Variants in NEK4 observed in about 807,000 individuals in gnomAD.
NEK4 encodes serine/threonine-protein kinase Nek4.
A neutral mutation model predicts 98.4 loss-of-function variants in NEK4; 86 were observed. That is an observed-to-expected ratio of 0.87 (90% CI 0.73 to 1.05). The LOEUF is 1.05. NEK4 is among the 50% of genes least tolerant of loss of function. The pLI, the probability that NEK4 is intolerant of heterozygous loss-of-function variation, is 0.00. For missense variants in NEK4, 898 were observed against 950.3 expected (o/e 0.94, Z 0.72); for synonymous variants, 328 against 342.2 (o/e 0.96, Z 0.46).
At position 52,752,298 on chromosome 3, in the gene NEK4, G is replaced by T. The variant is rs560643744; in HGVS notation, c.1002C>A (p.Ala334=). The T allele has an allele frequency of 1.2e-6, 2 of 1,613,956 alleles. No individual in the cohort carries two copies. The highest frequency in any genetic ancestry group is 2.7e-5 in the African/African-American group (2 of 74,916). The change falls in exon 7 of 16, where the codon GCC becomes GCA. Residue 334 remains alanine, a synonymous_variant. Coordinates refer to ENST00000233027, the MANE Select transcript of NEK4 (RefSeq NM_003157.6). ...GKCLSQEKPR[A]SGLLKSPASL... is the part of the protein sequence containing the mutation. ...TGGCAGGTGACTTCAAGAGACCAGAGGCCCTGGGTTTCTCCTGGGACAAAC... is the reference window on the plus strand; with the variant it reads ...TGGCAGGTGACTTCAAGAGACCAGATGCCCTGGGTTTCTCCTGGGACAAAC...
rs35123782 is a variant in NEK4 at position 52,741,236 on chromosome 3, CAAAAAAAAAA to C, written c.2093+165_2093+174del. 2.2e-4 allele frequency among the ~76,000 whole-genome samples: 13 copies of C among 59,626 alleles called. No homozygotes were observed. The East Asian group carries it at 6.1e-3, about 28-fold the overall frequency. 39.1% of individuals were successfully genotyped at this position (59,626 alleles called of 152,430 possible). On this transcript the variant is annotated intron_variant, in intron 13 of 15. Transcript: ENST00000233027. Reference sequence around the variant, plus strand: ...GGGCAACAAGAGCGAAACTCCGTCTCAAAAAAAAAAAAAAAAAAAAAAGAAGAGACACTTT... The same window carrying C: ...GGGCAACAAGAGCGAAACTCCGTCTCAAAAAAAAAAAAGAAGAGACACTTT...
At chr3:52,721,266 A>G (rs1220003617) in intron 15 of NEK4, among the ~76,000 whole-genome samples, 1 of 152,344 alleles carries the variant, frequency 6.6e-6, no homozygotes, top group South Asian at 2.1e-4. Flanking sequence ...TGAAGTACAG[A>G]TATAGAAGCA....
intron 15 of NEK4, among the ~76,000 whole-genome samples, 157 bp from the exon 16 acceptor site, chr3:52,712,026 A>T (rs2097350884): frequency 6.6e-6 from 1 of 152,272 alleles, no homozygotes; most frequent in Admixed American, 6.5e-5. Flanking sequence ...AAACTTCAAG[A>T]TGTTTCGAAA....
intron 11 of NEK4, 113 bp downstream of exon 11, chr3:52,744,126 A>G (rs1349848006): frequency 1.3e-6 from 1 of 769,260 alleles, no homozygotes; most frequent in Non-Finnish European, 2.3e-6. Flanking sequence ...TCGATTTCCT[A>G]CATGTTTTAC....
chr3:52,750,884 T>C (rs1419277740), intron 7 of NEK4, among the ~76,000 whole-genome samples: 1 of 152,042 alleles, frequency 6.6e-6, no homozygotes, highest in African/African-American at 2.4e-5. Flanking sequence ...TGAGCTGTGT[T>C]TGCACCACTG....
intron 1 of NEK4, among the ~76,000 whole-genome samples, chr3:52,770,416 T>G (rs931189983): frequency 6.6e-6 from 1 of 150,730 alleles, no homozygotes; most frequent in African/African-American, 2.4e-5. Flanking sequence ...AAACTTAGAA[T>G]TGTAATTAAA....
At chr3:52,718,161 T>C (rs1047890356) in intron 15 of NEK4, among the ~76,000 whole-genome samples, 1 of 152,014 alleles carries the variant, frequency 6.6e-6, no homozygotes, top group African/African-American at 2.4e-5. Context: ...TCCCACTTCC[T>C]ACTTAGCTCT....
chr3:52,763,105 A>G (rs1053291279), intron 5 of NEK4, among the ~76,000 whole-genome samples: 4 of 152,176 alleles, frequency 2.6e-5, no homozygotes, highest in Non-Finnish European at 5.9e-5. Flanking sequence ...CACCTAGTTT[A>G]CTTTTCCACA....
intron 2 of NEK4, among the ~76,000 whole-genome samples, chr3:52,766,963 G>C (rs34131802): frequency 6.6e-6 from 1 of 151,822 alleles, no homozygotes; most frequent in Non-Finnish European, 1.5e-5. Context: ...TCCGTAGTCC[G>C]GCCTGGGCGA....
At position 52,733,635 on chromosome 3, in the gene NEK4, A is replaced by C. The variant is rs2097372106; in HGVS notation, c.2433+3951T>G. On this transcript the variant is annotated intron_variant, in intron 15 of 15. Coordinates refer to ENST00000233027, the MANE Select transcript of NEK4 (RefSeq NM_003157.6). ...CAAACGTTGAAAGCATTTAGCAAGC[A>C]TTCAGGACTTATGGCCCATCTTCTA... 2 of 491,172 alleles carry C rather than the reference A, an allele frequency of 4.1e-6. 1 individual carries two copies. The highest frequency in any genetic ancestry group is 8.1e-6 in the Non-Finnish European group (2 of 246,894). The allele number at this position is 491,172 out of a possible 1,614,324, so 30.4% of individuals were successfully genotyped here.
At chr3:52,761,008 G>T in intron 5 of NEK4, 72 bp from the exon 6 acceptor site, 1 of 958,046 alleles carries the variant, frequency 1.0e-6, no homozygotes. Context: ...ATATGTGGGA[G>T]TGTGTGTATA....
In NEK4 at chr3:52,711,647, G is replaced by A. The variant is rs1469911809; in HGVS notation, c.*130C>T. 12 of 633,056 alleles carry A rather than the reference G, an allele frequency of 1.9e-5. 1 individual carries two copies. Among genetic ancestry groups the A allele is most frequent in the South Asian group, 1.7e-4 (8 of 46,990 alleles). 39.2% of individuals were successfully genotyped at this position (633,056 alleles called of 1,614,324 possible). ...TCCAATTTCTTTTCTGTAGGGAAAC[G>A]CCAAAGAGATATAAAAAAGAGATAT... On this transcript the variant is annotated 3_prime_UTR_variant, in exon 16 of 16. Transcript: ENST00000233027.
chr3:52,730,295 A>G (rs918055311), intron 15 of NEK4, among the ~76,000 whole-genome samples: 6 of 152,172 alleles, frequency 3.9e-5, no homozygotes, highest in Admixed American at 1.3e-4. Flanking sequence ...TCAATCATCA[A>G]CAAACTCCCA....
At chr3:52,765,107 T>C (rs1698504165) in intron 4 of NEK4, among the ~76,000 whole-genome samples, 1 of 152,044 alleles carries the variant, frequency 6.6e-6, no homozygotes, top group African/African-American at 2.4e-5. Context: ...TCCCAGCATT[T>C]TGGGAGGCTG....
intron 6 of NEK4, among the ~76,000 whole-genome samples, chr3:52,755,218 T>C (rs749159694): frequency 6.0e-5 from 9 of 149,116 alleles, no homozygotes; most frequent in Admixed American, 1.3e-4. Context: ...GGCAAATCCA[T>C]AGACAAAAAG....
At chr3:52,753,144 A>G (rs1175854963) in intron 6 of NEK4, among the ~76,000 whole-genome samples, 1 of 151,940 alleles carries the variant, frequency 6.6e-6, no homozygotes, top group Non-Finnish European at 1.5e-5. Context: ...TCTATAAAAA[A>G]TACCAAAAAA....
intron 15 of NEK4, among the ~76,000 whole-genome samples, chr3:52,716,676 T>C (rs1386387609): frequency 2.0e-5 from 3 of 152,260 alleles, no homozygotes; most frequent in African/African-American, 4.8e-5. Flanking sequence ...AGAACACTTA[T>C]TCTATTTTAT....
intron 15 of NEK4, among the ~76,000 whole-genome samples, chr3:52,726,132 A>G (rs967848252): frequency 6.6e-6 from 1 of 152,216 alleles, no homozygotes; most frequent in Non-Finnish European, 1.5e-5. Flanking sequence ...AAGGAGACAT[A>G]TACAGCAAGA....
chr3:52,754,585 A>C, intron 6 of NEK4: 1 of 1,307,010 alleles, frequency 7.7e-7, no homozygotes, highest in South Asian at 1.2e-5. Context: ...ATGCTGACTC[A>C]GAAAAGCCTG....
Sources: allele counts gnomAD v4.1 joint callset (sites outside exome capture counted in the v4.1 genomes callset), GRCh38; gene constraint gnomAD v4.1.1; transcripts MANE v1.5; gene names NCBI Gene and HGNC (gene_info 2026-07-23, HGNC 2026-07-21).